The following NOS1AP variants were observed in gnomAD, a reference collection of about 807,000 sequenced individuals.
NOS1AP encodes carboxyl-terminal PDZ ligand of neuronal nitric oxide synthase protein.
In NOS1AP, 21 loss-of-function variants were observed where a neutral mutation model predicts 56.2. The ratio of observed to expected loss-of-function variants is 0.37; its 90% CI spans 0.26 to 0.54. NOS1AP has a LOEUF of 0.54. Ranked by LOEUF, NOS1AP falls within the 20% of genes least tolerant of loss-of-function variation. The pLI is 0.84. For synonymous variants in NOS1AP, 270 were observed against 274.6 expected (o/e 0.98, Z 0.17); for missense variants, 522 against 657.8 (o/e 0.79, Z 2.26).
intron 2 of NOS1AP, among the ~76,000 whole-genome samples, chr1:162,273,233 G>A (rs925820001): frequency 2.1e-5 from 3 of 142,808 alleles, no homozygotes; most frequent in African/African-American, 7.7e-5. Context: ...GCGCGATCTC[G>A]GCTCACTGCA....
At chr1:162,320,746 C>G (rs1406813014) in intron 4 of NOS1AP, among the ~76,000 whole-genome samples, 1 of 151,728 alleles carries the variant, frequency 6.6e-6, no homozygotes, top group Non-Finnish European at 1.5e-5. Flanking sequence ...CCCAGCTACT[C>G]GGGAGGCTGA....
chr1:162,080,053 G>A (rs1290464103), intron 1 of NOS1AP, among the ~76,000 whole-genome samples: 1 of 152,178 alleles, frequency 6.6e-6, no homozygotes, highest in African/African-American at 2.4e-5. Flanking sequence ...TGTCTGTCTT[G>A]TCTTTCTCTG....
At chr1:162,103,950 T>C (rs1258091291) in intron 1 of NOS1AP, among the ~76,000 whole-genome samples, 1 of 152,380 alleles carries the variant, frequency 6.6e-6, no homozygotes, top group Admixed American at 6.5e-5. Context: ...TCTGTCATCA[T>C]GACGCTAACT....
chr1:162,345,867 A>C (rs757426426), intron 6 of NOS1AP, among the ~76,000 whole-genome samples: 1 of 152,242 alleles, frequency 6.6e-6, no homozygotes, highest in Non-Finnish European at 1.5e-5. Flanking sequence ...AGTATGCACC[A>C]CATACATGTA....
intron 1 of NOS1AP, among the ~76,000 whole-genome samples, chr1:162,138,485 A>G (rs1370185210): frequency 1.3e-5 from 2 of 152,212 alleles, no homozygotes; most frequent in African/African-American, 4.8e-5. Flanking sequence ...CATAGCATTT[A>G]ATTTTATTCA....
chr1:162,162,579 G>C (rs906813449), intron 2 of NOS1AP, among the ~76,000 whole-genome samples: 22 of 152,212 alleles, frequency 1.4e-4, no homozygotes, highest in African/African-American at 5.3e-4. Flanking sequence ...GGGGCAGGTA[G>C]TCACTGTATA....
intron 2 of NOS1AP, among the ~76,000 whole-genome samples, chr1:162,199,493 A>G (rs1248797561): frequency 6.6e-6 from 1 of 152,086 alleles, no homozygotes; most frequent in Non-Finnish European, 1.5e-5. Flanking sequence ...GGTATGTGTT[A>G]TCATGGGCTT....
intron 4 of NOS1AP, among the ~76,000 whole-genome samples, chr1:162,319,222 G>A (rs910089385): frequency 1.6e-4 from 25 of 152,188 alleles, no homozygotes; most frequent in Non-Finnish European, 7.3e-5. Flanking sequence ...GCTCACAAAT[G>A]TAAGCAGCAG....
chr1:162,099,283 G>T (rs1254109457), intron 1 of NOS1AP, among the ~76,000 whole-genome samples: 3 of 152,040 alleles, frequency 2.0e-5, no homozygotes, highest in Non-Finnish European at 4.4e-5. Context: ...CGCCTCGCGG[G>T]TTCACGCCAT....
chr1:162,072,070 A>ATAGG (rs1359666862), intron 1 of NOS1AP, among the ~76,000 whole-genome samples: 39 of 146,562 alleles, frequency 2.7e-4, no homozygotes, highest in African/African-American at 9.5e-4. Context: ...AGATAGATAG[A>ATAGG]TAGATAGATA....
intron 1 of NOS1AP, among the ~76,000 whole-genome samples, chr1:162,137,773 G>A (rs1420250601): frequency 2.0e-5 from 3 of 152,016 alleles, no homozygotes; most frequent in African/African-American, 7.2e-5. Flanking sequence ...CATGTAATTG[G>A]GTCTCGCTGT....
chr1:162,221,492 A>C (rs1652766767), intron 2 of NOS1AP, among the ~76,000 whole-genome samples: 1 of 145,160 alleles, frequency 6.9e-6, no homozygotes, highest in Non-Finnish European at 1.5e-5. Flanking sequence ...GTAATCTCTC[A>C]TTTCTTTTTT....
intron 2 of NOS1AP, among the ~76,000 whole-genome samples, chr1:162,241,107 T>C (rs959454492): frequency 2.6e-5 from 4 of 152,198 alleles, no homozygotes; most frequent in East Asian, 3.9e-4. Flanking sequence ...GTGACCCTGA[T>C]TGGAAAGGCA....
chr1:162,304,618 G>C (rs770945049), intron 4 of NOS1AP, among the ~76,000 whole-genome samples: 1 of 152,074 alleles, frequency 6.6e-6, no homozygotes, highest in Admixed American at 6.5e-5. Context: ...CTCTCTGATT[G>C]TTGATAGTCT....
At chr1:162,334,762 C>T (rs1451975481) in intron 5 of NOS1AP, among the ~76,000 whole-genome samples, 1 of 152,126 alleles carries the variant, frequency 6.6e-6, no homozygotes, top group East Asian at 1.9e-4. Flanking sequence ...CTTATTTTAT[C>T]CTTATAACAC....
Position 162,357,052 on chromosome 1 carries a change from A to C in NOS1AP, c.855A>C (p.Thr285=), listed in dbSNP as rs757017525. ...SSKPPGLGTE[T]PLSTHHQMQL... ...AGCCTCCAGGCCTGGGCACAGAGAC[A>C]CCGCTGTCCACTCACCACCAGATGC... The change falls in exon 8 of 10, where the codon ACA becomes ACC. Residue 285 remains threonine, a synonymous_variant. Transcript: ENST00000361897. The C allele has an allele frequency of 6.2e-7, 1 of 1,613,392 alleles. No individual in the cohort carries two copies. Among genetic ancestry groups the C allele is most frequent in the Non-Finnish European group, 8.5e-7 (1 of 1,180,014 alleles).
chr1:162,313,697 G>T (rs141503574), intron 4 of NOS1AP, among the ~76,000 whole-genome samples: 87 of 152,340 alleles, frequency 5.7e-4, no homozygotes, highest in Non-Finnish European at 9.6e-4. Context: ...GGTGACAGCA[G>T]TAGAAATGCA....
At chr1:162,079,423 C>G (rs58395295) in intron 1 of NOS1AP, among the ~76,000 whole-genome samples, 4 of 150,396 alleles carry the variant, frequency 2.7e-5, no homozygotes, top group African/African-American at 9.8e-5. Context: ...GGTTTATTTT[C>G]TGTAATTTGC....
chr1:162,115,637 G>A (rs1487726425), intron 1 of NOS1AP, among the ~76,000 whole-genome samples: 1 of 152,176 alleles, frequency 6.6e-6, no homozygotes, highest in Admixed American at 6.5e-5. Context: ...TGAGTCCAAT[G>A]TGCGTTTTGC....
Sources: allele counts gnomAD v4.1 joint callset (sites outside exome capture counted in the v4.1 genomes callset), GRCh38; gene constraint gnomAD v4.1.1; transcripts MANE v1.5; gene names NCBI Gene and HGNC (gene_info 2026-07-23, HGNC 2026-07-21).